Variants in SCP2 observed in about 807,000 individuals in gnomAD.
SCP2 encodes the protein sterol carrier protein 2.
In SCP2, 48 loss-of-function variants were observed where a neutral mutation model predicts 71.4. The observed-to-expected ratio is 0.67, with a 90% CI of 0.53 to 0.86. The LOEUF (loss-of-function observed/expected upper bound fraction) is 0.86. Ranked by LOEUF, SCP2 falls within the 40% of genes least tolerant of loss-of-function variation. The pLI is 0.00. For synonymous variants in SCP2, 220 were observed against 218.1 expected (o/e 1.01, Z -0.08); for missense variants, 560 against 655.6 (o/e 0.85, Z 1.59).
At chr1:52,992,578 C>T (rs1326794145) in intron 11 of SCP2, among the ~76,000 whole-genome samples, 2 of 152,060 alleles carry the variant, frequency 1.3e-5, no homozygotes, top group African/African-American at 2.4e-5. Context: ...TAGAATATTA[C>T]CATCTTCAAG....
Position 53,050,555 on chromosome 1 carries a change from A to T in SCP2, c.1549-54A>T. On this transcript the variant is annotated intron_variant, in intron 15 of 15. Transcript: ENST00000371514. ...CAGGGCTAGATAGTGTAGAAACATC[A>T]GCAATCTTAAAACAAAAAAACACCA... 6 of 1,106,310 alleles carry T rather than the reference A, an allele frequency of 5.4e-6. No individual in the cohort carries two copies. In the East Asian group the frequency reaches 1.4e-4, roughly 26 times the overall value. 68.5% of individuals were successfully genotyped at this position (1,106,310 alleles called of 1,614,324 possible).
At chr1:52,941,703 C>A in intron 1 of SCP2, 93 bp from the exon 2 acceptor site, 1 of 772,160 alleles carries the variant, frequency 1.3e-6, no homozygotes, top group Middle Eastern at 3.8e-4. Context: ...CCACTGCACT[C>A]CAGCCTGGGT....
intron 6 of SCP2, among the ~76,000 whole-genome samples, chr1:52,971,087 C>A (rs781017047): frequency 6.6e-6 from 1 of 150,722 alleles, no homozygotes; most frequent in Non-Finnish European, 1.5e-5. Context: ...GCCATTCTCC[C>A]GCCTCAGCCT....
chr1:52,957,304 C>T (rs1655913605), intron 5 of SCP2, among the ~76,000 whole-genome samples: 1 of 152,178 alleles, frequency 6.6e-6, no homozygotes, highest in Admixed American at 6.5e-5. Flanking sequence ...CTGCCATTTT[C>T]CCAAATTAAT....
At chr1:52,946,037 T>A (rs1184875778) in intron 2 of SCP2, among the ~76,000 whole-genome samples, 1 of 151,480 alleles carries the variant, frequency 6.6e-6, no homozygotes, top group East Asian at 1.9e-4. Context: ...CAAGCAATCC[T>A]CCTACCTCAG....
chr1:52,959,083 C>A (rs921475984), intron 5 of SCP2, among the ~76,000 whole-genome samples: 10 of 151,952 alleles, frequency 6.6e-5, no homozygotes, highest in Non-Finnish European at 1.0e-4. Flanking sequence ...GTTCTCCTCT[C>A]TTCTGTTTTT....
In SCP2 at chr1:53,012,164, G is replaced by C. The variant is rs578061512; in HGVS notation, c.1082-2726G>C. 8.5e-5 allele frequency among the ~76,000 whole-genome samples: 13 copies of C among 152,302 alleles called. No homozygotes were observed. In the East Asian group the frequency reaches 2.3e-3, roughly 27 times the overall value. On this transcript the variant is annotated intron_variant, in intron 11 of 15. Transcript: ENST00000371514. Reference sequence around the variant, plus strand: ...AGAAATTATCTGACCTATCTTGTTTGACTGGGGGTCATAAGACCCCCATTC... The same window carrying C: ...AGAAATTATCTGACCTATCTTGTTTCACTGGGGGTCATAAGACCCCCATTC...
At chr1:53,050,011 T>A (rs2150281406) in intron 15 of SCP2, 1 of 152,400 alleles carries the variant, frequency 6.6e-6, no homozygotes, top group South Asian at 2.1e-4. Flanking sequence ...TTTTGTTACA[T>A]GGTAAATTTA....
At chr1:52,968,560 A>G (rs573781523) in intron 6 of SCP2, among the ~76,000 whole-genome samples, 70 of 152,348 alleles carry the variant, frequency 4.6e-4, no homozygotes, top group Non-Finnish European at 7.8e-4. Flanking sequence ...GATTTTTAAT[A>G]TATTCACAGA....
intron 11 of SCP2, chr1:52,994,037 C>T (rs1017163869): frequency 1.8e-5 from 21 of 1,172,952 alleles, no homozygotes; most frequent in Admixed American, 4.0e-5. Context: ...CTCAAGGTAC[C>T]GTATCTGTAT....
At chr1:52,958,210 C>G (rs1655999959) in intron 5 of SCP2, among the ~76,000 whole-genome samples, 1 of 150,326 alleles carries the variant, frequency 6.7e-6, no homozygotes, top group African/African-American at 2.4e-5. Flanking sequence ...AGTGTCAGTC[C>G]TTCTGTTGAA....
chr1:52,997,461 G>C (rs1043399030), intron 11 of SCP2, among the ~76,000 whole-genome samples: 2 of 152,174 alleles, frequency 1.3e-5, no homozygotes, highest in African/African-American at 2.4e-5. Context: ...CCAAAATGTG[G>C]TATATTTATA....
chr1:52,999,858 C>T, intron 11 of SCP2, among the ~76,000 whole-genome samples: 1 of 140,546 alleles, frequency 7.1e-6, no homozygotes, highest in East Asian at 2.4e-4. Context: ...ACTCTGTTGC[C>T]CAGGCTGGAG....
At position 53,007,384 on chromosome 1, in the gene SCP2, A is replaced by T. The variant is rs1287096969; in HGVS notation, c.1082-7506A>T. Among the ~76,000 whole-genome samples the T allele has an allele frequency of 3.3e-5, 5 of 152,260 alleles. No homozygotes were observed. In the South Asian group the frequency reaches 1.0e-3, roughly 32 times the overall value. On this transcript the variant is annotated intron_variant, in intron 11 of 15. Coordinates refer to ENST00000371514, the MANE Select transcript of SCP2 (RefSeq NM_002979.5). ...TTGACCATGTAGTTGGAAGTAAAGC[A>T]CTCCTCAGCAAATGTAAAAGAACAG...
chr1:52,959,273 G>T (rs954183565), intron 5 of SCP2, among the ~76,000 whole-genome samples: 1 of 151,066 alleles, frequency 6.6e-6, no homozygotes, highest in Non-Finnish European at 1.5e-5. Flanking sequence ...TTGGCTCACC[G>T]CAACCTCCAC....
chr1:53,015,418 C>G (rs898137070), intron 12 of SCP2, among the ~76,000 whole-genome samples: 2 of 152,126 alleles, frequency 1.3e-5, no homozygotes, highest in Admixed American at 1.3e-4. Flanking sequence ...TTTGTATTTC[C>G]GAGTCCAGCT....
rs947775827 is a variant in SCP2 at position 52,960,514 on chromosome 1, G to A, written c.397-989G>A. Among the ~76,000 whole-genome samples, 133 of 130,166 alleles carry A rather than the reference G, an allele frequency of 1.0e-3. No homozygotes were observed. In the East Asian group the frequency reaches 0.016, roughly 16 times the overall value. 85.4% of individuals were successfully genotyped at this position (130,166 alleles called of 152,430 possible). The stretch of plus-strand genomic sequence containing the variant: ...TGTGTGTGTGTGTGTGTGTGTGTGT[G>A]TGTGTATATGTGTGTATATATATGT... On this transcript the variant is annotated intron_variant, in intron 5 of 15. Coordinates refer to ENST00000371514, the MANE Select transcript of SCP2 (RefSeq NM_002979.5).
At chr1:52,976,919 A>G (rs1658024654) in intron 8 of SCP2, 150 bp downstream of exon 8, 1 of 623,830 alleles carries the variant, frequency 1.6e-6, no homozygotes, top group South Asian at 1.9e-5. Flanking sequence ...ACTTCACTAG[A>G]GTACCCTACT....
chr1:53,038,821 A>G (rs1023826303), intron 13 of SCP2, 96 bp from the exon 14 acceptor site: 3 of 1,501,916 alleles, frequency 2.0e-6, no homozygotes, highest in Admixed American at 3.3e-5. Context: ...CCTGGCCCGT[A>G]TACTCATATC....
Sources: gnomAD v4.1 joint callset for allele counts (sites outside exome capture counted in the v4.1 genomes callset) on GRCh38, gnomAD v4.1.1 for gene constraint, MANE v1.5 for transcripts, NCBI Gene and HGNC (gene_info 2026-07-23, HGNC 2026-07-21) for gene names.